LYST: variants seen among roughly 807,000 people sequenced by gnomAD.
LYST encodes lysosomal trafficking regulator, also known as lysosomal-trafficking regulator.
LYST carries 192 observed loss-of-function variants against 413.6 expected under a neutral mutation model. The ratio of observed to expected loss-of-function variants is 0.46; its 90% CI spans 0.41 to 0.52. LYST has a LOEUF of 0.52. LYST is among the 20% of genes least tolerant of loss of function. The probability of loss-of-function intolerance (pLI) is 0.00; values close to 1 mark genes in which losing one functional copy is unlikely to be tolerated. For synonymous variants in LYST, 1,525 were observed against 1,567.3 expected (o/e 0.97, Z 0.64); for missense variants, 3,815 against 4,499.9 (o/e 0.85, Z 4.35).
intron 38 of LYST, 125 bp from the exon 39 acceptor site, chr1:235,724,305 T>C (rs977645445): frequency 2.6e-6 from 2 of 777,238 alleles, no homozygotes; most frequent in African/African-American, 3.5e-5. Context: ...GCAGATAAGA[T>C]TACCTGAAAA....
At chr1:235,673,128 A>C (rs1246920330) in intron 50 of LYST, among the ~76,000 whole-genome samples, 1 of 152,174 alleles carries the variant, frequency 6.6e-6, no homozygotes, top group African/African-American at 2.4e-5. Flanking sequence ...CCGAGTCAAG[A>C]AAGCACTGCC....
rs1033563039 is a variant in LYST, at chr1:235,854,593, G to A, written c.-98+12250C>T. 2.0e-5 allele frequency among the ~76,000 whole-genome samples: 3 copies of A among 152,086 alleles called. No homozygotes were observed. Among genetic ancestry groups the A allele is most frequent in the Admixed American group, 1.3e-4 (2 of 15,272 alleles). On this transcript the variant is annotated intron_variant, in intron 1 of 52. Transcript: ENST00000389793. This position sits in a 1 kb window ranked among gnomAD's most constrained non-coding sequence, Gnocchi z 4.1. ...TGGGTACTCGACTTCCTCTTTCTAA[G>A]CCTCAGTTTCTCATCTATACAACTG...
Position 235,798,314 on chromosome 1 carries a change from A to T in LYST, c.4006+2006T>A, listed in dbSNP as rs573918981. Among the ~76,000 whole-genome samples, 9 of 152,246 alleles carry T rather than the reference A, an allele frequency of 5.9e-5. No individual in the cohort carries two copies. The East Asian group carries it at 1.7e-3, about 29-fold the overall frequency. ...ATTATGGACTTCAGTTAATAATAAC[A>T]TATCAATATAAGTTCATTAATTATA... On this transcript the variant is annotated intron_variant, in intron 10 of 52. Coordinates refer to ENST00000389793, the MANE Select transcript of LYST (RefSeq NM_000081.4).
intron 28 of LYST, among the ~76,000 whole-genome samples, chr1:235,749,376 AAGAC>A (rs1322125474): frequency 6.6e-6 from 1 of 152,178 alleles, no homozygotes; most frequent in African/African-American, 2.4e-5. Context: ...TAGATTCACA[AAGAC>A]AGAATTTCAA....
rs1462736153 is a variant in LYST, at chr1:235,775,046, G to A, written c.5501C>T (p.Ala1834Val). 6.2e-7 allele frequency: 1 copy of A among 1,611,556 alleles called. No homozygotes were observed. Among genetic ancestry groups the A allele is most frequent in the Non-Finnish European group, 8.5e-7 (1 of 1,179,378 alleles). Residue 1834 changes from alanine (A) to valine (V), a missense_variant, in exon 18 of 53, where the codon GCA becomes GTA. Coordinates refer to ENST00000389793, the MANE Select transcript of LYST (RefSeq NM_000081.4). ...LSSCEETQAL[A>V]LRVILSLIKY... ...AATTAATGAGAGTATAACTCGCAGT[G>A]CTAATGCTTGAGTTTCTTCACAGCT...
In LYST at chr1:235,766,229, A is replaced by G. The variant is rs999648750; in HGVS notation, c.5971T>C (p.Ser1991Pro). The part of the protein sequence containing the change: ...LTPMPREVCR[S>P]FVKIIAEVLG... ...ACTTCTGCTATAATTTTCACAAATG[A>G]TCTACAAACCTCTCGGGGCATGGGT... Residue 1991 changes from serine to proline, a missense_variant, in exon 21 of 53, where the codon TCA becomes CCA. This residue lies in a region of LYST where 530 missense variants were observed against 696.5 expected (regional missense o/e 0.76). Coordinates refer to ENST00000389793, the MANE Select transcript of LYST (RefSeq NM_000081.4). 4.3e-6 allele frequency: 7 copies of G among 1,613,240 alleles called. No homozygotes were observed. The African/African-American group carries it at 9.3e-5, about 22-fold the overall frequency.
At chr1:235,817,481 T>C (rs1674286657) in intron 3 of LYST, among the ~76,000 whole-genome samples, 1 of 152,112 alleles carries the variant, frequency 6.6e-6, no homozygotes, top group Non-Finnish European at 1.5e-5. Flanking sequence ...CCATCAACGG[T>C]AGACTGGATA....
intron 47 of LYST, among the ~76,000 whole-genome samples, chr1:235,691,719 G>A (rs1467801019): frequency 9.4e-6 from 1 of 106,284 alleles, no homozygotes; most frequent in African/African-American, 4.1e-5. Context: ...TTTTTGAGAT[G>A]GAGTTTTGCT....
intron 19 of LYST, among the ~76,000 whole-genome samples, chr1:235,772,215 C>T (rs1015680463): frequency 6.6e-6 from 1 of 151,866 alleles, no homozygotes; most frequent in Non-Finnish European, 1.5e-5. Flanking sequence ...ACAGAGTGTG[C>T]TCCTGTTTCA....
rs1459487776 is a variant in LYST at position 235,759,207 on chromosome 1, C to G, written c.6646G>C (p.Asp2216His). The part of the protein sequence containing the change: ...QLGAEPRSED[D>H]SPGDESCPRR... ...GGGCAGGACTCATCCCCAGGACTGTCATCTTCTGACCTGGGTTCTGCTCCC... is the reference window on the plus strand; with the variant it reads ...GGGCAGGACTCATCCCCAGGACTGTGATCTTCTGACCTGGGTTCTGCTCCC... The change falls in exon 23 of 53, where the codon GAC becomes CAC. Residue 2216 changes from aspartate (D) to histidine (H), a missense_variant. By Grantham distance (81) the Asp-to-His change is moderately conservative (BLOSUM62 -1). Transcript: ENST00000389793. 5 of 1,614,136 alleles carry G rather than the reference C, an allele frequency of 3.1e-6. No individual in the cohort carries two copies. Among genetic ancestry groups the G allele is most frequent in the Non-Finnish European group, 4.2e-6 (5 of 1,180,022 alleles).
intron 21 of LYST, among the ~76,000 whole-genome samples, chr1:235,765,840 C>T (rs1192064019): frequency 6.6e-6 from 1 of 151,012 alleles, no homozygotes. Flanking sequence ...ACCAAATACA[C>T]ATTTTTTTTT....
At chr1:235,707,873 T>G (rs954881982) in intron 44 of LYST, among the ~76,000 whole-genome samples, 8 of 151,926 alleles carry the variant, frequency 5.3e-5, no homozygotes, top group Non-Finnish European at 1.0e-4. Flanking sequence ...AGGGTTTTTT[T>G]GGGGGGGGAT....
At chr1:235,798,313 C>T (rs1036249820) in intron 10 of LYST, among the ~76,000 whole-genome samples, 4 of 151,640 alleles carry the variant, frequency 2.6e-5, no homozygotes, top group Non-Finnish European at 1.5e-5. Flanking sequence ...TTAATAATAA[C>T]ATATCAATAT....
intron 28 of LYST, 142 bp from the exon 29 acceptor site, chr1:235,746,669 A>T (rs533265872): frequency 1.5e-6 from 1 of 688,574 alleles, no homozygotes; most frequent in East Asian, 2.7e-5. Context: ...GGAAAGAGTG[A>T]TTAAGAGAAA....
intron 19 of LYST, among the ~76,000 whole-genome samples, chr1:235,773,387 A>C (rs1269313457): frequency 3.9e-5 from 6 of 152,160 alleles, no homozygotes; most frequent in Non-Finnish European, 8.8e-5. Flanking sequence ...GGTAGCTAAA[A>C]TGTGGAAACA....
At chr1:235,689,747 A>T (rs542524655) in intron 47 of LYST, among the ~76,000 whole-genome samples, 1 of 152,368 alleles carries the variant, frequency 6.6e-6, no homozygotes, top group South Asian at 2.1e-4. Context: ...ATATACATGT[A>T]TTAAAACATC....
Position 235,810,185 on chromosome 1 carries a change from T to C in LYST, c.633A>G (p.Lys211=). ...CCATAGCATCTGGAGGAGTCTGTTC[T>C]TTGGTTGCTAAGCGGTCAAGTTTAG... ...PKAKLDRLAT[K]EQTPPDAMAL... Residue 211 remains lysine (K), a synonymous_variant, in exon 5 of 53, where the codon AAA becomes AAG. Transcript: ENST00000389793. 6.2e-7 allele frequency: 1 copy of C among 1,614,152 alleles called. No individual in the cohort carries two copies. Among genetic ancestry groups the C allele is most frequent in the East Asian group, 2.2e-5 (1 of 44,892 alleles).
intron 13 of LYST, 55 bp from the exon 14 acceptor site, chr1:235,787,428 G>A: frequency 7.6e-7 from 1 of 1,315,736 alleles, no homozygotes; most frequent in South Asian, 1.2e-5. Context: ...TGACCTCAGT[G>A]TTTAACATAC....
In LYST at chr1:235,806,017, G is replaced by C. The variant is rs541176869; in HGVS notation, c.3119C>G (p.Ser1040Cys). 61 of 1,613,938 alleles carry C rather than the reference G, an allele frequency of 3.8e-5. No individual in the cohort carries two copies. In the South Asian group the frequency reaches 5.9e-4, roughly 16 times the overall value. The change falls in exon 6 of 53, where the codon TCT becomes TGT. Residue 1040 changes from serine to cysteine, a missense_variant. By Grantham distance (112) the Ser-to-Cys change is moderately radical. This residue lies in a region of LYST where 1,648 missense variants were observed against 1,810.3 expected (regional missense o/e 0.91). Transcript: ENST00000389793. ...TATGGGGTCACTTTTTATAGCCAAA[G>C]ATAATAAATCTTCCTTCATAGTTCT... is the stretch of plus-strand genomic sequence containing the variant. ...PKRTMKEDLL[S>C]LAIKSDPIPS... is the part of the protein sequence containing the mutation.
Sources: gnomAD v4.1 joint callset for allele counts (sites outside exome capture counted in the v4.1 genomes callset) on GRCh38, gnomAD v4.1.1 for gene constraint, gnomAD v4.1.1 regional missense constraint, Gnocchi (gnomAD v3.1) non-coding constraint, MANE v1.5 for transcripts, NCBI Gene and HGNC (gene_info 2026-07-23, HGNC 2026-07-21) for gene names.